Variants in GFRA1 observed in about 807,000 individuals in gnomAD.
GFRA1 encodes GDNF family receptor alpha 1, also known as GDNF family receptor alpha-1.
Under a neutral mutation model 51.6 loss-of-function variants are expected in GFRA1, and 16 were observed. The ratio of observed to expected loss-of-function variants is 0.31; its 90% CI spans 0.21 to 0.47. The LOEUF is 0.47. GFRA1 is among the 20% of genes least tolerant of loss of function. GFRA1 has a pLI of 1.00. For missense variants in GFRA1, 530 were observed against 594.3 expected, an observed-to-expected ratio of 0.89 and a Z score of 1.13; for synonymous variants, 270 against 241.3, an observed-to-expected ratio of 1.12 and a Z score of -1.10.
intron 9 of GFRA1, among the ~76,000 whole-genome samples, chr10:116,086,821 T>C (rs1956120997): frequency 6.6e-6 from 1 of 152,170 alleles, no homozygotes; most frequent in African/African-American, 2.4e-5. Flanking sequence ...ACTTTTTGTT[T>C]TCTGTTTTTG....
intron 5 of GFRA1, among the ~76,000 whole-genome samples, chr10:116,176,732 CCT>C: frequency 7.4e-6 from 1 of 135,396 alleles, no homozygotes; most frequent in Non-Finnish European, 1.6e-5. Context: ...CTCCCTCCTT[CCT>C]TCCTTCCTTC....
intron 6 of GFRA1, among the ~76,000 whole-genome samples, chr10:116,114,407 G>A (rs773777358): frequency 6.6e-6 from 1 of 152,118 alleles, no homozygotes; most frequent in Non-Finnish European, 1.5e-5. Flanking sequence ...CTCTGCCTCC[G>A]CCTCCGCCCC....
intron 5 of GFRA1, among the ~76,000 whole-genome samples, chr10:116,182,562 C>G (rs1962340054): frequency 6.6e-6 from 1 of 152,196 alleles, no homozygotes. Context: ...GATGCTAAGA[C>G]TGGTTCCAAC....
intron 7 of GFRA1, among the ~76,000 whole-genome samples, 171 bp from the exon 8 acceptor site, chr10:116,094,007 A>G (rs1486132945): frequency 6.6e-6 from 1 of 152,190 alleles, no homozygotes; most frequent in Non-Finnish European, 1.5e-5. Flanking sequence ...ATTTATCTTG[A>G]GCACATAAAA....
intron 4 of GFRA1, among the ~76,000 whole-genome samples, chr10:116,259,190 G>C (rs555339907): frequency 2.4e-4 from 37 of 152,254 alleles, no homozygotes; most frequent in African/African-American, 8.4e-4. Flanking sequence ...ATGTGCAAAG[G>C]ACAACAGAAA....
intron 5 of GFRA1, among the ~76,000 whole-genome samples, chr10:116,197,493 ATG>A (rs1373126794): frequency 1.3e-5 from 2 of 152,186 alleles, no homozygotes; most frequent in South Asian, 2.1e-4. Context: ...ATGTATATAT[ATG>A]TGTCTGTCAT....
At chr10:116,084,779 C>T (rs1956018735) in intron 9 of GFRA1, among the ~76,000 whole-genome samples, 1 of 143,066 alleles carries the variant, frequency 7.0e-6, no homozygotes, top group South Asian at 2.2e-4. Flanking sequence ...CACACACACA[C>T]ACACACACAC....
intron 6 of GFRA1, among the ~76,000 whole-genome samples, chr10:116,120,534 T>G (rs1170229230): frequency 6.6e-6 from 1 of 152,086 alleles, no homozygotes; most frequent in African/African-American, 2.4e-5. Context: ...ACAGAGAGCC[T>G]CAACTGCAAC....
chr10:116,175,135 G>A (rs1274080348), intron 5 of GFRA1, among the ~76,000 whole-genome samples: 1 of 152,130 alleles, frequency 6.6e-6, no homozygotes, highest in Non-Finnish European at 1.5e-5. Context: ...CTTCACCTGG[G>A]CACATCACCA....
intron 5 of GFRA1, among the ~76,000 whole-genome samples, chr10:116,162,433 A>G (rs2134182998): frequency 6.6e-6 from 1 of 152,290 alleles, no homozygotes; most frequent in African/African-American, 2.4e-5. Flanking sequence ...CACCTCTCCA[A>G]GCGGTACTCG....
At chr10:116,147,692 C>T (rs1958867573) in intron 5 of GFRA1, among the ~76,000 whole-genome samples, 3 of 152,272 alleles carry the variant, frequency 2.0e-5, no homozygotes, top group African/African-American at 7.2e-5. Flanking sequence ...GAGAAAATTT[C>T]CTTTATGAAC....
chr10:116,066,858 T>A (rs1376593661), intron 9 of GFRA1, among the ~76,000 whole-genome samples: 2 of 152,206 alleles, frequency 1.3e-5, no homozygotes, highest in Non-Finnish European at 2.9e-5. Context: ...AAGGAGGACC[T>A]GGGCAACCCA....
intron 4 of GFRA1, among the ~76,000 whole-genome samples, chr10:116,257,296 C>T (rs552630322): frequency 7.0e-4 from 105 of 151,072 alleles, no homozygotes; most frequent in Non-Finnish European, 1.1e-3. Context: ...CCCCCCACCC[C>T]GCCCCCACCA....
At chr10:116,070,532 C>T (rs950213967) in intron 9 of GFRA1, among the ~76,000 whole-genome samples, 1 of 152,156 alleles carries the variant, frequency 6.6e-6, no homozygotes, top group Non-Finnish European at 1.5e-5. Flanking sequence ...TTGAGGTTAA[C>T]TGAGCAGAGG....
In GFRA1 at chr10:116,166,489, C is replaced by G. The variant is rs1233234553; in HGVS notation, c.434-40932G>C. Reference sequence around the variant, plus strand: ...CCACTTCACTTCTCTCTTGCATCTTCAACACATCTCTCTCCACAGTTTTCT... The same window carrying G: ...CCACTTCACTTCTCTCTTGCATCTTGAACACATCTCTCTCCACAGTTTTCT... On this transcript the variant is annotated intron_variant, in intron 5 of 10. Transcript: ENST00000355422. Among the ~76,000 whole-genome samples, 6 of 152,198 alleles carry G rather than the reference C, an allele frequency of 3.9e-5. No homozygotes were observed. The East Asian group carries it at 1.2e-3, about 29-fold the overall frequency.
intron 4 of GFRA1, among the ~76,000 whole-genome samples, chr10:116,213,751 T>G (rs930856472): frequency 1.3e-5 from 2 of 152,080 alleles, no homozygotes; most frequent in Non-Finnish European, 2.9e-5. Context: ...AGATCTATGG[T>G]GGCAGTTTTC....
At chr10:116,126,070 T>C (rs374084515) in intron 5 of GFRA1, among the ~76,000 whole-genome samples, 2 of 152,214 alleles carry the variant, frequency 1.3e-5, no homozygotes, top group African/African-American at 2.4e-5. Context: ...CAAAATATTA[T>C]GCCAGATTCT....
At chr10:116,139,776 G>T (rs904450000) in intron 5 of GFRA1, among the ~76,000 whole-genome samples, 10 of 152,340 alleles carry the variant, frequency 6.6e-5, no homozygotes, top group Non-Finnish European at 1.2e-4. Context: ...GCGATAGAGG[G>T]CTGACAGCAG....
At chr10:116,124,472 C>T (rs1184694507) in intron 6 of GFRA1, among the ~76,000 whole-genome samples, 1 of 152,002 alleles carries the variant, frequency 6.6e-6, no homozygotes, top group Non-Finnish European at 1.5e-5. Context: ...CTCAGGTGAT[C>T]CACCCGCCTC....
Sources: gnomAD v4.1 joint callset for allele counts (sites outside exome capture counted in the v4.1 genomes callset) on GRCh38, gnomAD v4.1.1 for gene constraint, MANE v1.5 for transcripts, NCBI Gene and HGNC (gene_info 2026-07-23, HGNC 2026-07-21) for gene names.